GALNT18: variants seen among roughly 807,000 people sequenced by gnomAD.
The protein encoded by GALNT18 is polypeptide N-acetylgalactosaminyltransferase 18.
GALNT18 carries 44 observed loss-of-function variants against 69.5 expected under a neutral mutation model. The ratio of observed to expected loss-of-function variants is 0.63; its 90% CI spans 0.50 to 0.81. GALNT18 has a LOEUF of 0.81. Ranked by LOEUF, GALNT18 falls within the 40% of genes least tolerant of loss-of-function variation. The pLI is 0.00. For missense variants in GALNT18, 715 were observed against 810.0 expected (o/e 0.88, Z 1.42); for synonymous variants, 364 against 318.2 (o/e 1.14, Z -1.53).
chr11:11,480,748 C>G lies in GALNT18; in HGVS notation c.236-31812G>C, dbSNP rs140309521. ...CCTTCATCCCTGTATCAGCACTTCTCACAGCGTGCTCTACAGAACCCTAGT... is the reference window on the plus strand; with the variant it reads ...CCTTCATCCCTGTATCAGCACTTCTGACAGCGTGCTCTACAGAACCCTAGT... On this transcript the variant is annotated intron_variant, in intron 1 of 10. Transcript: ENST00000227756. This position sits in a 1 kb window ranked among gnomAD's most constrained non-coding sequence, Gnocchi z 4.6. 1.6e-3 allele frequency among the ~76,000 whole-genome samples: 243 copies of G among 152,340 alleles called. No individual in the cohort carries two copies. The highest frequency in any genetic ancestry group is 2.9e-3 in the Non-Finnish European group (194 of 68,044).
intron 2 of GALNT18, among the ~76,000 whole-genome samples, chr11:11,443,906 C>G (rs1445309615): frequency 6.6e-6 from 1 of 152,236 alleles, no homozygotes; most frequent in Admixed American, 6.5e-5. Flanking sequence ...GGCCTGGATC[C>G]TTGAGGAAGT....
chr11:11,420,113 C>T (rs1001623328), intron 3 of GALNT18, among the ~76,000 whole-genome samples: 4 of 151,634 alleles, frequency 2.6e-5, no homozygotes, highest in African/African-American at 9.7e-5. Flanking sequence ...TTAGGACTCT[C>T]ATTTTTGAAA....
In GALNT18 at chr11:11,494,666, T is replaced by G. The variant is rs1165003739; in HGVS notation, c.236-45730A>C. Among the ~76,000 whole-genome samples the G allele has an allele frequency of 5.3e-5, 8 of 152,190 alleles. No individual in the cohort carries two copies. The highest frequency in any genetic ancestry group is 1.4e-4 in the African/African-American group (6 of 41,444). On this transcript the variant is annotated intron_variant, in intron 1 of 10. Transcript: ENST00000227756. The surrounding 1 kb of genome is among the most constrained non-coding windows in gnomAD (Gnocchi z 5.7). ...AGCCTCAGCCTTTTTTGCTTTTAAGTGCAGAGGATTGGGGTGGATTTGACA... is the reference window on the plus strand; with the variant it reads ...AGCCTCAGCCTTTTTTGCTTTTAAGGGCAGAGGATTGGGGTGGATTTGACA...
At chr11:11,451,816 A>C (rs1316150403) in intron 1 of GALNT18, among the ~76,000 whole-genome samples, 1 of 152,230 alleles carries the variant, frequency 6.6e-6, no homozygotes, top group African/African-American at 2.4e-5. Context: ...GAAAAGGTTA[A>C]ATGTCTAATC....
rs1475301665 is a variant in GALNT18 at position 11,596,664 on chromosome 11, G to A, written c.235+24695C>T. 6.6e-6 allele frequency among the ~76,000 whole-genome samples: 1 copy of A among 152,070 alleles called. No homozygotes were observed. Among genetic ancestry groups the A allele is most frequent in the Admixed American group, 6.5e-5 (1 of 15,278 alleles). On this transcript the variant is annotated intron_variant, in intron 1 of 10. Coordinates refer to ENST00000227756, the MANE Select transcript of GALNT18 (RefSeq NM_198516.3). The surrounding 1 kb of genome is among the most constrained non-coding windows in gnomAD (Gnocchi z 4.2). ...ATAGTTTGTTTTCAGATCGCCCACT[G>A]ATAGTGATAGAAATACAATTTGTTT... is the stretch of plus-strand genomic sequence containing the variant.
Position 11,480,108 on chromosome 11 carries a change from C to A in GALNT18, c.236-31172G>T, listed in dbSNP as rs1357123796. 6.6e-6 allele frequency among the ~76,000 whole-genome samples: 1 copy of A among 152,094 alleles called. No individual in the cohort carries two copies. Among genetic ancestry groups the A allele is most frequent in the Non-Finnish European group, 1.5e-5 (1 of 68,036 alleles). On this transcript the variant is annotated intron_variant, in intron 1 of 10. Coordinates refer to ENST00000227756, the MANE Select transcript of GALNT18 (RefSeq NM_198516.3). The surrounding 1 kb of genome is among the most constrained non-coding windows in gnomAD (Gnocchi z 4.6). ...AGAAAATACTGCTATTTGTCACCTT[C>A]CCTACCTTGAGCTTCAACTTCCTTT...
In GALNT18 at chr11:11,432,831, G is replaced by C; in HGVS notation, c.429-44C>G. 6.3e-7 allele frequency: 1 copy of C among 1,589,308 alleles called. No individual in the cohort carries two copies. Among genetic ancestry groups the C allele is most frequent in the Non-Finnish European group, 8.6e-7 (1 of 1,162,640 alleles). On this transcript the variant is annotated intron_variant, in intron 2 of 10. Transcript: ENST00000227756. This position sits in a 1 kb window ranked among gnomAD's most constrained non-coding sequence, Gnocchi z 5.8. Reference sequence around the variant, plus strand: ...CGCTTAGATTTGTGACTCAGCTGGAGTCATCTCAGGAGCTGACCCAGCCCA... The same window carrying C: ...CGCTTAGATTTGTGACTCAGCTGGACTCATCTCAGGAGCTGACCCAGCCCA...
chr11:11,536,313 G>T (rs78309933), intron 1 of GALNT18, among the ~76,000 whole-genome samples: 3,713 of 152,290 alleles, frequency 0.024, 145 homozygotes, highest in African/African-American at 0.084. Context: ...AATAGGACTG[G>T]ACTGGTTAGC....
intron 3 of GALNT18, among the ~76,000 whole-genome samples, chr11:11,410,056 T>C (rs1034428466): frequency 6.6e-6 from 1 of 152,096 alleles, no homozygotes; most frequent in African/African-American, 2.4e-5. Context: ...CCCTTCTTTG[T>C]CTCTCTGGAC....
At chr11:11,594,981 A>ATG (rs75359341) in intron 1 of GALNT18, among the ~76,000 whole-genome samples, 36,482 of 146,940 alleles carry the variant, frequency 0.25, 5,030 homozygotes, top group Non-Finnish European at 0.32. Context: ...AAATATACAT[A>ATG]TGTGTGTGTG....
intron 1 of GALNT18, among the ~76,000 whole-genome samples, chr11:11,594,904 A>T (rs1285880420): frequency 5.2e-5 from 7 of 133,408 alleles, no homozygotes; most frequent in African/African-American, 1.8e-4. Context: ...ATACACACAG[A>T]TACAAAATAT....
chr11:11,372,397 G>T lies in GALNT18; in HGVS notation c.1092+118C>A, dbSNP rs1589947219. On this transcript the variant is annotated intron_variant, in intron 6 of 10. Coordinates refer to ENST00000227756, the MANE Select transcript of GALNT18 (RefSeq NM_198516.3). The surrounding 1 kb of genome is among the most constrained non-coding windows in gnomAD (Gnocchi z 4.9). ...AATCCCAATCACACACAGGATTCAG[G>T]ACTGGACATTCAGAATCAGTCTGTG... is the stretch of plus-strand genomic sequence containing the variant. The T allele has an allele frequency of 1.3e-6, 1 of 755,624 alleles. No homozygotes were observed. Among genetic ancestry groups the T allele is most frequent in the Non-Finnish European group, 2.3e-6 (1 of 440,592 alleles). The allele number at this position is 755,624 out of a possible 1,614,324, so 46.8% of individuals were successfully genotyped here.
chr11:11,426,220 TCTC>T (rs1855126746), intron 3 of GALNT18, among the ~76,000 whole-genome samples: 1 of 152,128 alleles, frequency 6.6e-6, no homozygotes, highest in Admixed American at 6.5e-5. Context: ...AAACTTACCT[TCTC>T]CTCTGCACTC....
intron 10 of GALNT18, among the ~76,000 whole-genome samples, chr11:11,272,935 C>G (rs2132971271): frequency 6.6e-6 from 1 of 152,308 alleles, no homozygotes; most frequent in Middle Eastern, 3.4e-3. Context: ...ACTTGGTTCT[C>G]TACACAATGG....
At chr11:11,288,073 C>T (rs1339745527) in intron 10 of GALNT18, among the ~76,000 whole-genome samples, 1 of 152,166 alleles carries the variant, frequency 6.6e-6, no homozygotes, top group Non-Finnish European at 1.5e-5. Context: ...TCCTTCTGAT[C>T]CACCTGCTTT....
intron 9 of GALNT18, among the ~76,000 whole-genome samples, chr11:11,300,491 A>ATAT (rs1187955366): frequency 8.3e-4 from 127 of 152,340 alleles, no homozygotes; most frequent in Middle Eastern, 3.4e-3. Flanking sequence ...ATATTTATCC[A>ATAT]TATTTTTGTT....
chr11:11,273,039 A>G (rs1259513672), intron 10 of GALNT18, among the ~76,000 whole-genome samples: 2 of 152,172 alleles, frequency 1.3e-5, no homozygotes, highest in African/African-American at 4.8e-5. Flanking sequence ...TCAAATCAAA[A>G]TAGGTTAAAG....
At chr11:11,348,418 A>G (rs1850341649) in intron 6 of GALNT18, among the ~76,000 whole-genome samples, 1 of 151,776 alleles carries the variant, frequency 6.6e-6, no homozygotes. Flanking sequence ...GAGAGGTCAA[A>G]TCTGGACAAG....
chr11:11,568,487 C>A (rs1224523921), intron 1 of GALNT18, among the ~76,000 whole-genome samples: 2 of 152,158 alleles, frequency 1.3e-5, no homozygotes, highest in Admixed American at 6.5e-5. Context: ...ATGACTCATC[C>A]TGCCAGTGAC....
Sources: gnomAD v4.1 joint callset for allele counts (sites outside exome capture counted in the v4.1 genomes callset) on GRCh38, gnomAD v4.1.1 for gene constraint, Gnocchi (gnomAD v3.1) non-coding constraint, MANE v1.5 for transcripts, NCBI Gene and HGNC (gene_info 2026-07-23, HGNC 2026-07-21) for gene names.